SKIC3: variants seen among roughly 807,000 people sequenced by gnomAD.
SKIC3 encodes superkiller complex protein 3.
chr5:95,526,577 G>A, the SKIC3 span, among the ~76,000 whole-genome samples: 9 of 151,828 alleles, frequency 5.9e-5, no homozygotes, highest in African/African-American at 1.7e-4. Flanking sequence ...GGCTTCAAGC[G>A]ATTCTCCTGC....
At chr5:95,533,757 C>T in the SKIC3 span, among the ~76,000 whole-genome samples, 1 of 152,158 alleles carries the variant, frequency 6.6e-6, no homozygotes, top group Admixed American at 6.5e-5. Context: ...AGTATAATCC[C>T]TTCACTATGT....
the SKIC3 span, among the ~76,000 whole-genome samples, chr5:95,477,717 T>C: frequency 6.6e-6 from 1 of 152,222 alleles, no homozygotes; most frequent in Non-Finnish European, 1.5e-5. Flanking sequence ...TTTAGAGATA[T>C]ACATTCTTAA....
chr5:95,539,080 C>A, the SKIC3 span, among the ~76,000 whole-genome samples: 1 of 152,282 alleles, frequency 6.6e-6, no homozygotes, highest in African/African-American at 2.4e-5. Context: ...ATAATTCTGA[C>A]TTTATCTAGA....
At chr5:95,476,533 T>C in the SKIC3 span, among the ~76,000 whole-genome samples, 4 of 152,216 alleles carry the variant, frequency 2.6e-5, no homozygotes, top group African/African-American at 9.6e-5. Flanking sequence ...CCTTTATAAT[T>C]ATTGGATGTC....
chr5:95,498,918 C>T, the SKIC3 span, among the ~76,000 whole-genome samples: 1 of 152,210 alleles, frequency 6.6e-6, no homozygotes, highest in African/African-American at 2.4e-5. Context: ...AGCCACCGCG[C>T]CCAGCCTATG....
At chr5:95,510,136 T>TTC in the SKIC3 span, among the ~76,000 whole-genome samples, 1 of 152,216 alleles carries the variant, frequency 6.6e-6, no homozygotes, top group South Asian at 2.1e-4. Context: ...GAAGGTAAGT[T>TTC]TGGTACTTTC....
the SKIC3 span, chr5:95,517,426 T>C: frequency 7.7e-7 from 1 of 1,294,148 alleles, no homozygotes; most frequent in African/African-American, 1.5e-5. Flanking sequence ...TTAAGTACTT[T>C]ACTAGTCTCC....
the SKIC3 span, among the ~76,000 whole-genome samples, chr5:95,533,042 A>C: frequency 6.6e-6 from 1 of 152,200 alleles, no homozygotes; most frequent in Admixed American, 6.5e-5. Context: ...GTTTTAAAGC[A>C]GAAAATCTTA....
the SKIC3 span, among the ~76,000 whole-genome samples, chr5:95,515,421 C>T: frequency 6.6e-6 from 1 of 152,104 alleles, no homozygotes; most frequent in Non-Finnish European, 1.5e-5. Flanking sequence ...AATTTGGACA[C>T]ATTAACTTGG....
chr5:95,541,643 T>C, the SKIC3 span, among the ~76,000 whole-genome samples: 36 of 151,878 alleles, frequency 2.4e-4, no homozygotes, highest in African/African-American at 8.0e-4. Flanking sequence ...ATCCTCTTAC[T>C]AGTAGTGTTT....
the SKIC3 span, chr5:95,543,226 T>C: frequency 7.4e-6 from 12 of 1,614,120 alleles, no homozygotes; most frequent in South Asian, 2.2e-5. Flanking sequence ...CAGCAGCTTT[T>C]TTATAGGCAC....
the SKIC3 span, among the ~76,000 whole-genome samples, chr5:95,533,009 A>G: frequency 6.6e-6 from 1 of 152,182 alleles, no homozygotes; most frequent in African/African-American, 2.4e-5. Flanking sequence ...ATTCATATTT[A>G]TCTTCACCTG....
the SKIC3 span, chr5:95,522,270 T>A: frequency 6.2e-7 from 1 of 1,613,640 alleles, no homozygotes; most frequent in South Asian, 1.1e-5. Flanking sequence ...TCCCAACAAT[T>A]GAAGTCCTTT....
chr5:95,543,344 TA>T, the SKIC3 span: 1 of 1,613,186 alleles, frequency 6.2e-7, no homozygotes, highest in Non-Finnish European at 8.5e-7. Flanking sequence ...TAAAAAAAAT[TA>T]AAAGAGTAGG....
the SKIC3 span, among the ~76,000 whole-genome samples, chr5:95,486,434 C>T: frequency 6.6e-6 from 1 of 152,190 alleles, no homozygotes; most frequent in Non-Finnish European, 1.5e-5. Flanking sequence ...CCTATGGCTG[C>T]TCACACTGAA....
the SKIC3 span, among the ~76,000 whole-genome samples, chr5:95,546,733 A>C: frequency 6.6e-6 from 1 of 152,192 alleles, no homozygotes; most frequent in Admixed American, 6.5e-5. Flanking sequence ...TCCACAAACC[A>C]AATAGAAATA....
the SKIC3 span, chr5:95,516,345 A>G: frequency 6.2e-7 from 1 of 1,612,826 alleles, no homozygotes; most frequent in Non-Finnish European, 8.5e-7. Context: ...GACAGGCAAC[A>G]TATTTACCTC....
the SKIC3 span, chr5:95,491,141 T>C: frequency 3.4e-6 from 5 of 1,476,624 alleles, no homozygotes; most frequent in South Asian, 6.4e-5. Context: ...AAAAATTGTA[T>C]CTAAAAAAAA....
At chr5:95,539,164 T>G in the SKIC3 span, among the ~76,000 whole-genome samples, 1 of 152,092 alleles carries the variant, frequency 6.6e-6, no homozygotes, top group Non-Finnish European at 1.5e-5. Context: ...TTTTTGAGCA[T>G]CCATTGAATT....
Sources: allele counts gnomAD v4.1 joint callset (sites outside exome capture counted in the v4.1 genomes callset), GRCh38; gene constraint gnomAD v4.1.1; transcripts MANE v1.5; gene names NCBI Gene and HGNC (gene_info 2026-07-23, HGNC 2026-07-21).